The following ABL1 variants were observed in gnomAD, a reference collection of about 807,000 sequenced individuals.
ABL1 encodes ABL proto-oncogene 1, non-receptor tyrosine kinase.
Under a neutral mutation model 94.7 loss-of-function variants are expected in ABL1, and 11 were observed. That is an observed-to-expected ratio of 0.12 (90% CI 0.07 to 0.19). ABL1 has a LOEUF of 0.19. Ranked by LOEUF, ABL1 falls within the 10% of genes least tolerant of loss-of-function variation. The pLI is 1.00. For synonymous variants in ABL1, 656 were observed against 622.4 expected (o/e 1.05, Z -0.80); for missense variants, 1,082 against 1,489.4 (o/e 0.73, Z 4.50).
chr9:130,745,100 G>A (rs1353520940), intron 1 of ABL1, among the ~76,000 whole-genome samples: 3 of 147,332 alleles, frequency 2.0e-5, no homozygotes, highest in Non-Finnish European at 4.5e-5. Flanking sequence ...TTTTTTTTGA[G>A]GGGGGCAGAG....
At chr9:130,827,876 A>G (rs1208658128) in intron 1 of ABL1, among the ~76,000 whole-genome samples, 1 of 150,074 alleles carries the variant, frequency 6.7e-6, no homozygotes. Flanking sequence ...CCTGGGTGAC[A>G]GAGTGAGACT....
intron 1 of ABL1, among the ~76,000 whole-genome samples, chr9:130,776,576 C>CA (rs67443041): frequency 0.015 from 2,052 of 140,996 alleles, 38 homozygotes; most frequent in African/African-American, 0.045. Context: ...GACTCTATCT[C>CA]AAAAAAAAAA....
chr9:130,724,914 T>C, intron 1 of ABL1: 3 of 395,428 alleles, frequency 7.6e-6, no homozygotes, highest in South Asian at 4.0e-5. Flanking sequence ...CCAGTCATAC[T>C]TCCTCTTGCG....
intron 3 of ABL1, 96 bp downstream of exon 3, chr9:130,855,192 CAAG>C (rs1307500945): frequency 1.5e-6 from 2 of 1,368,882 alleles, no homozygotes; most frequent in African/African-American, 2.9e-5. Flanking sequence ...AAAGCTCAAC[CAAG>C]AAGATGTTTA....
intron 1 of ABL1, among the ~76,000 whole-genome samples, chr9:130,766,751 G>T (rs1217869790): frequency 1.3e-5 from 2 of 152,010 alleles, no homozygotes; most frequent in Non-Finnish European, 2.9e-5. Flanking sequence ...CTGCTGTCAG[G>T]GCTACCACCC....
At position 130,885,881 on chromosome 9, in the gene ABL1, C is replaced by T. The variant is rs1456879899; in HGVS notation, c.*198C>T. On this transcript the variant is annotated 3_prime_UTR_variant, in exon 11 of 11. Transcript: ENST00000318560. ...TGCACCGCCTGCCCTCCCGCACCTT[C>T]CTCCTCCCCGCTCCGTCTCTGTCCT... 9.1e-6 allele frequency: 6 copies of T among 658,884 alleles called. No individual in the cohort carries two copies. The highest frequency in any genetic ancestry group is 2.1e-5 in the South Asian group (1 of 47,980). 40.8% of individuals were successfully genotyped at this position (658,884 alleles called of 1,614,324 possible). A position where few individuals can be genotyped will look rare whatever the true frequency, so the allele number is the denominator to read the frequency against.
chr9:130,836,135 G>A (rs1830579512), intron 1 of ABL1, among the ~76,000 whole-genome samples: 1 of 152,160 alleles, frequency 6.6e-6, no homozygotes, highest in East Asian at 1.9e-4. Flanking sequence ...CCACGAAGAG[G>A]TCTTAGGAAT....
At chr9:130,839,791 T>A (rs897740676) in intron 1 of ABL1, among the ~76,000 whole-genome samples, 1 of 152,216 alleles carries the variant, frequency 6.6e-6, no homozygotes, top group Non-Finnish European at 1.5e-5. Flanking sequence ...GTTTGTGTTA[T>A]GTTGATACGA....
chr9:130,881,460 T>A (rs1232587553), intron 10 of ABL1, among the ~76,000 whole-genome samples: 1 of 152,102 alleles, frequency 6.6e-6, no homozygotes, highest in African/African-American at 2.4e-5. Flanking sequence ...TGAAGGTGAA[T>A]GAGGAGCAAG....
chr9:130,741,156 C>T (rs940585150), intron 1 of ABL1, among the ~76,000 whole-genome samples: 1 of 152,166 alleles, frequency 6.6e-6, no homozygotes, highest in African/African-American at 2.4e-5. Flanking sequence ...TGCCACTTCT[C>T]CGTGTTGAGG....
At chr9:130,853,475 C>T (rs934409608) in intron 1 of ABL1, among the ~76,000 whole-genome samples, 3 of 151,676 alleles carry the variant, frequency 2.0e-5, no homozygotes, top group Non-Finnish European at 4.4e-5. Context: ...AGTGCAGTGG[C>T]GCAATCTCTG....
chr9:130,751,129 C>CT (rs60206110), intron 1 of ABL1, among the ~76,000 whole-genome samples: 942 of 57,440 alleles, frequency 0.016, 296 homozygotes, highest in African/African-American at 0.031. Context: ...TTTTATTCAG[C>CT]TTTTTTTTTT....
At chr9:130,864,968 A>G (rs144741036) in intron 4 of ABL1, among the ~76,000 whole-genome samples, 4 of 152,302 alleles carry the variant, frequency 2.6e-5, no homozygotes, top group East Asian at 1.9e-4. Flanking sequence ...ACAACTTGAC[A>G]TTTGAGGAAA....
At chr9:130,714,432 A>T (rs1283585315) in exon 1 of ABL1, 4 of 1,614,178 alleles carry the variant, frequency 2.5e-6, no homozygotes, top group Non-Finnish European at 3.4e-6. Context: ...GGGGGTCCAC[A>T]CTGCAATGTT....
At chr9:130,769,329 CT>C (rs372838676) in intron 1 of ABL1, among the ~76,000 whole-genome samples, 6,217 of 84,112 alleles carry the variant, frequency 0.074, 44 homozygotes, top group South Asian at 0.15. Context: ...TGGCCCTAGT[CT>C]TTTTTTTTTT....
intron 1 of ABL1, among the ~76,000 whole-genome samples, chr9:130,745,943 C>T (rs1289154564): frequency 1.3e-5 from 2 of 152,096 alleles, no homozygotes; most frequent in Non-Finnish European, 1.5e-5. Flanking sequence ...GGACTCAGAA[C>T]GTGAATGGAA....
At chr9:130,724,718 G>A (rs193068794) in intron 1 of ABL1, 4 of 391,890 alleles carry the variant, frequency 1.0e-5, no homozygotes, top group Non-Finnish European at 2.0e-5. Flanking sequence ...CTGCACTCCA[G>A]CCTGGGCGAC....
chr9:130,853,990 T>C (rs1465034404), intron 1 of ABL1, 74 bp from the exon 2 acceptor site: 1 of 1,479,682 alleles, frequency 6.8e-7, no homozygotes. Flanking sequence ...TTTTTGCTTC[T>C]GAGAATAAAA....
At chr9:130,785,878 G>A (rs746699307) in intron 1 of ABL1, among the ~76,000 whole-genome samples, 3 of 145,108 alleles carry the variant, frequency 2.1e-5, no homozygotes, top group South Asian at 2.2e-4. Context: ...AGCTGAGATC[G>A]TGCCACTGCA....
Sources: allele counts gnomAD v4.1 joint callset (sites outside exome capture counted in the v4.1 genomes callset), GRCh38; gene constraint gnomAD v4.1.1; transcripts MANE v1.5; gene names NCBI Gene and HGNC (gene_info 2026-07-23, HGNC 2026-07-21).